MYPN: variants seen among roughly 807,000 people sequenced by gnomAD.
MYPN encodes the protein myopalladin.
In MYPN, 63 loss-of-function variants were observed where a neutral mutation model predicts 129.4. The observed-to-expected ratio is 0.49, with a 90% confidence interval of 0.40 to 0.60. The LOEUF (loss-of-function observed/expected upper bound fraction) is 0.60. Ranked by LOEUF, MYPN falls within the 20% of genes least tolerant of loss-of-function variation. The pLI is 0.00. For missense variants in MYPN, 1,596 were observed against 1,635.4 expected (o/e 0.98, Z 0.42); for synonymous variants, 629 against 600.9 (o/e 1.05, Z -0.68).
chr10:68,161,454 G>T (rs1373038960), intron 7 of MYPN, among the ~76,000 whole-genome samples: 4 of 151,658 alleles, frequency 2.6e-5, no homozygotes, highest in Non-Finnish European at 5.9e-5. Flanking sequence ...GGCAGAGGTT[G>T]CAGTGAGCTG....
At chr10:68,162,043 C>G (rs1001628757) in intron 8 of MYPN, 6 of 223,966 alleles carry the variant, frequency 2.7e-5, no homozygotes, top group African/African-American at 1.4e-4. Flanking sequence ...TGGCGCACGT[C>G]TGTAATCCCA....
intron 11 of MYPN, 86 bp downstream of exon 11, chr10:68,174,742 C>G: frequency 8.0e-7 from 1 of 1,248,672 alleles, no homozygotes; most frequent in Non-Finnish European, 1.2e-6. Context: ...ACAGGGCTCT[C>G]ATTTTGTGGA....
chr10:68,157,776 A>G (rs549521270), intron 6 of MYPN, among the ~76,000 whole-genome samples: 210 of 151,500 alleles, frequency 1.4e-3, no homozygotes, highest in African/African-American at 4.7e-3. Flanking sequence ...TGGGAGGTTG[A>G]AGCTGCAGTG....
intron 2 of MYPN, among the ~76,000 whole-genome samples, chr10:68,141,845 T>C (rs1439763519): frequency 3.3e-5 from 5 of 152,192 alleles, no homozygotes; most frequent in Admixed American, 6.5e-5. Context: ...ATATGCACTA[T>C]TTTGCACCTT....
chr10:68,198,239 A>G (rs190720829), intron 16 of MYPN, among the ~76,000 whole-genome samples: 1 of 152,336 alleles, frequency 6.6e-6, no homozygotes, highest in East Asian at 1.9e-4. Flanking sequence ...CACATCCTTG[A>G]AGTGAATTGT....
intron 1 of MYPN, among the ~76,000 whole-genome samples, chr10:68,096,039 G>A (rs2041954948): frequency 6.6e-6 from 1 of 152,144 alleles, no homozygotes; most frequent in Non-Finnish European, 1.5e-5. Flanking sequence ...ATAGAATTAT[G>A]CTAAGATAGT....
chr10:68,105,721 T>C (rs2042006672), upstream of MYPN, among the ~76,000 whole-genome samples: 1 of 152,232 alleles, frequency 6.6e-6, no homozygotes, highest in African/African-American at 2.4e-5. Context: ...TAATAATTGA[T>C]TGTTTTTTCG....
intron 2 of MYPN, among the ~76,000 whole-genome samples, chr10:68,133,321 G>A (rs191059575): frequency 5.3e-5 from 8 of 152,056 alleles, no homozygotes; most frequent in East Asian, 3.9e-4. Context: ...CACCATGCCC[G>A]GCCTATAGAC....
chr10:68,147,031 C>T (rs2042677773), intron 4 of MYPN, among the ~76,000 whole-genome samples: 1 of 152,174 alleles, frequency 6.6e-6, no homozygotes, highest in African/African-American at 2.4e-5. Flanking sequence ...CACTTTCCCC[C>T]TCACAGTTTT....
chr10:68,137,539 G>A (rs1441102275), intron 2 of MYPN, among the ~76,000 whole-genome samples: 3 of 152,022 alleles, frequency 2.0e-5, no homozygotes, highest in Admixed American at 1.3e-4. Flanking sequence ...ATAATATCAC[G>A]CATTGGTCAT....
intron 17 of MYPN, among the ~76,000 whole-genome samples, chr10:68,201,495 A>T (rs1415541188): frequency 6.6e-6 from 1 of 152,220 alleles, no homozygotes; most frequent in Non-Finnish European, 1.5e-5. Context: ...CACCAGGCAC[A>T]GTGGCTTATG....
chr10:68,158,717 A>G (rs189442833), intron 7 of MYPN, 90 bp downstream of exon 7: 1 of 942,938 alleles, frequency 1.1e-6, no homozygotes, highest in Admixed American at 2.5e-5. Flanking sequence ...ACAACTAATT[A>G]AAAATATAGT....
intron 13 of MYPN, among the ~76,000 whole-genome samples, chr10:68,189,504 T>G (rs949391713): frequency 6.6e-6 from 1 of 152,298 alleles, no homozygotes; most frequent in Admixed American, 6.5e-5. Context: ...CCAACCTCTC[T>G]TCATTCCCTT....
At position 68,202,007 on chromosome 10, in the gene MYPN, C is replaced by T. The variant is rs1197470203; in HGVS notation, c.3659+13C>T. On this transcript the variant is annotated intron_variant, in intron 18 of 19. Coordinates refer to ENST00000358913, the MANE Select transcript of MYPN (RefSeq NM_032578.4). ...GAGAGAGGATCAGGTACAGCAGCCACCACATCCAGAGGGACTCCCACTCTC... is the reference window on the plus strand; with the variant it reads ...GAGAGAGGATCAGGTACAGCAGCCATCACATCCAGAGGGACTCCCACTCTC... 1 of 1,613,806 alleles carries T rather than the reference C, an allele frequency of 6.2e-7. No homozygotes were observed. Among genetic ancestry groups the T allele is most frequent in the African/African-American group, 1.3e-5 (1 of 74,930 alleles).
At chr10:68,209,676 T>C (rs1444056761) in intron 19 of MYPN, among the ~76,000 whole-genome samples, 72 of 150,642 alleles carry the variant, frequency 4.8e-4, no homozygotes, top group Non-Finnish European at 8.3e-4. Flanking sequence ...CTTTTCTTTT[T>C]TTTTTTTTTT....
intron 1 of MYPN, among the ~76,000 whole-genome samples, chr10:68,120,532 C>T (rs1321496210): frequency 6.6e-6 from 1 of 152,108 alleles, no homozygotes. Flanking sequence ...GAAGCTAAAT[C>T]ATCATAGTTT....
chr10:68,113,170 AGT>A (rs1422950013), intron 1 of MYPN, among the ~76,000 whole-genome samples: 2 of 152,222 alleles, frequency 1.3e-5, no homozygotes, highest in African/African-American at 4.8e-5. Flanking sequence ...ACAGTTTTAA[AGT>A]GTTTTCACAA....
At chr10:68,126,319 A>C (rs1161174769) in intron 2 of MYPN, among the ~76,000 whole-genome samples, 1 of 152,214 alleles carries the variant, frequency 6.6e-6, no homozygotes, top group Non-Finnish European at 1.5e-5. Context: ...CAAACTGGAA[A>C]GGAGAGTAGA....
Position 68,201,911 on chromosome 10 carries a change from G to C in MYPN, c.3576G>C (p.Glu1192Asp). 6.2e-7 allele frequency: 1 copy of C among 1,614,190 alleles called. No individual in the cohort carries two copies. The highest frequency in any genetic ancestry group is 1.1e-5 in the South Asian group (1 of 91,080). ...GVPEGHPVRL[E>D]CRVIGMPPPV... ...CCGAAGGCCACCCCGTGAGACTGGA[G>C]TGCCGCGTGATAGGCATGCCCCCAC... The change falls in exon 18 of 20, where the codon GAG becomes GAC. Residue 1192 changes from glutamate (E) to aspartate (D), a missense_variant. Coordinates refer to ENST00000358913, the MANE Select transcript of MYPN (RefSeq NM_032578.4).
Sources: gnomAD v4.1 joint callset for allele counts (sites outside exome capture counted in the v4.1 genomes callset) on GRCh38, gnomAD v4.1.1 for gene constraint, MANE v1.5 for transcripts, NCBI Gene and HGNC (gene_info 2026-07-23, HGNC 2026-07-21) for gene names.